BNC1: variants seen among roughly 807,000 people sequenced by gnomAD.
The protein encoded by BNC1 is zinc finger protein basonuclin-1.
BNC1 carries 8 observed loss-of-function variants against 66.5 expected under a neutral mutation model. That is an observed-to-expected ratio of 0.12 (90% CI 0.07 to 0.22). The LOEUF is 0.22. BNC1 is among the 10% of genes least tolerant of loss of function. The pLI is 1.00. For synonymous variants in BNC1, 454 were observed against 452.6 expected (o/e 1.00, Z -0.04); for missense variants, 1,069 against 1,241.3 (o/e 0.86, Z 2.09).
Position 83,283,339 on chromosome 15 carries a change from G to A in BNC1, c.99+1191C>T, listed in dbSNP as rs368989331. The A allele has an allele frequency of 4.1e-6, 6 of 1,462,988 alleles. No individual in the cohort carries two copies. The Admixed American group carries it at 8.5e-5, about 21-fold the overall frequency. The allele number at this position is 1,462,988 out of a possible 1,614,324, so 90.6% of individuals were successfully genotyped here. ...TCCGGCAAAGCCAGGCGGCGGCGGG[G>A]CTCCGGGTCTGGGCGGCGGCTCCGG... is the stretch of plus-strand genomic sequence containing the variant. On this transcript the variant is annotated intron_variant, in intron 1 of 4. Transcript: ENST00000345382.
intron 1 of BNC1, among the ~76,000 whole-genome samples, chr15:83,281,656 C>G (rs796262057): frequency 5.9e-5 from 9 of 152,330 alleles, no homozygotes; most frequent in African/African-American, 2.2e-4. Flanking sequence ...AAGCCACATA[C>G]AGAAGCTAAA....
At position 83,256,366 on chromosome 15, in the gene BNC1, A is replaced by G. The variant is rs1426370364; in HGVS notation, c.*1076T>C. The G allele has an allele frequency of 1.3e-5, 2 of 152,650 alleles. No individual in the cohort carries two copies. The highest frequency in any genetic ancestry group is 4.8e-5 in the African/African-American group (2 of 41,448). The allele number at this position is 152,650 out of a possible 1,614,324, so 9.5% of individuals were successfully genotyped here. A position where few individuals can be genotyped will look rare whatever the true frequency, so the allele number is the denominator to read the frequency against. On this transcript the variant is annotated 3_prime_UTR_variant, in exon 5 of 5. Transcript: ENST00000345382. ...GAATATATTTCCGAATAAGTTAAAT[A>G]TTAAGACATACAATATGGCAATAAT...
In BNC1 at chr15:83,256,851, C is replaced by CA. The variant is rs2038078840; in HGVS notation, c.*590dup. 6.6e-6 allele frequency: 1 copy of CA among 152,332 alleles called. No homozygotes were observed. Among genetic ancestry groups the CA allele is most frequent in the African/African-American group, 2.4e-5 (1 of 41,442 alleles). 9.4% of individuals were successfully genotyped at this position (152,332 alleles called of 1,614,324 possible). ...AATTAACAAGGAACATGTTAGAGGC[C>CA]AACCCAATCCTCTGAGAACTCCCTG... is the stretch of plus-strand genomic sequence containing the variant. On this transcript the variant is annotated 3_prime_UTR_variant, in exon 5 of 5. Transcript: ENST00000345382.
intron 1 of BNC1, among the ~76,000 whole-genome samples, chr15:83,271,434 T>C (rs1043072551): frequency 6.6e-6 from 1 of 152,202 alleles, no homozygotes; most frequent in African/African-American, 2.4e-5. Flanking sequence ...CAGCATTACC[T>C]AATCCATTCA....
chr15:83,266,772 G>A (rs1003649654), intron 3 of BNC1, 64 bp downstream of exon 3: 104 of 1,427,712 alleles, frequency 7.3e-5, no homozygotes, highest in East Asian at 3.2e-4. Flanking sequence ...ACTGGGTTAC[G>A]TCAGTTATAT....
intron 1 of BNC1, among the ~76,000 whole-genome samples, 162 bp from the exon 2 acceptor site, chr15:83,268,394 G>A (rs534628955): frequency 3.9e-5 from 6 of 152,172 alleles, no homozygotes; most frequent in Non-Finnish European, 8.8e-5. Flanking sequence ...CTGGAAAGAT[G>A]AGCAGCCACC....
intron 1 of BNC1, 30 bp from the exon 2 acceptor site, chr15:83,268,262 A>T (rs762455846): frequency 4.1e-5 from 64 of 1,546,162 alleles, no homozygotes; most frequent in Non-Finnish European, 5.4e-5. Flanking sequence ...AGGTATGTGG[A>T]GCATGTAAGT....
chr15:83,284,607 G>T lies in BNC1; in HGVS notation c.22C>A (p.Arg8=). 9.9e-7 allele frequency: 1 copy of T among 1,005,594 alleles called. No individual in the cohort carries two copies. The highest frequency in any genetic ancestry group is 4.5e-5 in the South Asian group (1 of 22,194). The allele number at this position is 1,005,594 out of a possible 1,614,324, so 62.3% of individuals were successfully genotyped here. MRRRPPS[R]GGRGAARARE... ...GCCCGGGCCGCCCCGCGTCCGCCCCGGCTCGGCGGGCGCCGCCGCATCCAC... is the reference window on the plus strand; with the variant it reads ...GCCCGGGCCGCCCCGCGTCCGCCCCTGCTCGGCGGGCGCCGCCGCATCCAC... Residue 8 remains arginine (R), a synonymous_variant, in exon 1 of 5, where the codon CGG becomes AGG. Coordinates refer to ENST00000345382, the MANE Select transcript of BNC1 (RefSeq NM_001717.4).
At chr15:83,281,118 C>A (rs570650401) in intron 1 of BNC1, among the ~76,000 whole-genome samples, 1 of 152,144 alleles carries the variant, frequency 6.6e-6, no homozygotes, top group Admixed American at 6.5e-5. Flanking sequence ...TCTGTTTATA[C>A]CCACCCTCTT....
chr15:83,284,101 GAAAA>G (rs889986781), intron 1 of BNC1, among the ~76,000 whole-genome samples: 1 of 133,316 alleles, frequency 7.5e-6, no homozygotes, highest in Non-Finnish European at 1.6e-5. Flanking sequence ...TGAGGTAAAA[GAAAA>G]AAAAAAAAAG....
intron 4 of BNC1, among the ~76,000 whole-genome samples, chr15:83,261,103 G>A (rs886217430): frequency 6.6e-6 from 1 of 152,136 alleles, no homozygotes; most frequent in African/African-American, 2.4e-5. Context: ...AGTAGATATT[G>A]TAGGATAGAA....
At chr15:83,284,335 C>A (rs1327579720) in intron 1 of BNC1, among the ~76,000 whole-genome samples, 195 bp downstream of exon 1, 2 of 151,792 alleles carry the variant, frequency 1.3e-5, no homozygotes, top group Non-Finnish European at 2.9e-5. Context: ...GAGCCCCAAC[C>A]CCCCCGCCGC....
Position 83,264,448 on chromosome 15 carries a change from T to A in BNC1, c.803A>T (p.Gln268Leu), listed in dbSNP as rs755458790. The A allele has an allele frequency of 6.2e-7, 1 of 1,614,098 alleles. No homozygotes were observed. The highest frequency in any genetic ancestry group is 1.1e-5 in the South Asian group (1 of 91,090). Residue 268 changes from glutamine to leucine, a missense_variant, in exon 4 of 5, where the codon CAG (glutamine) becomes CTG (leucine). Around this residue, in one of 7 missense-constraint regions of BNC1, gnomAD observed 181 missense variants for 181.5 expected, o/e 1.00. Transcript: ENST00000345382. ...GSLPEQYMLE[Q>L]GHDQSQDPKQ... ...GGGGTCCTGACTTTGGTCATGACCC[T>A]GCTCCAACATATATTGTTCGGGCAA...
chr15:83,281,081 TTGGACCC>T (rs1375063427), intron 1 of BNC1, among the ~76,000 whole-genome samples: 1 of 152,150 alleles, frequency 6.6e-6, no homozygotes, highest in Non-Finnish European at 1.5e-5. Flanking sequence ...AGGCCCAAAA[TTGGACCC>T]TGGAGAAACA....
Position 83,257,148 on chromosome 15 carries a change from G to A in BNC1, c.*294C>T, listed in dbSNP as rs1408990066. 7.1e-6 allele frequency: 3 copies of A among 424,596 alleles called. No homozygotes were observed. The highest frequency in any genetic ancestry group is 8.4e-6 in the Non-Finnish European group (2 of 237,498). The allele number at this position is 424,596 out of a possible 1,614,324, so 26.3% of individuals were successfully genotyped here. ...CCCACTGGTGTCGATCTGCAGACCTGGATCTGTCCCAGGGAACATGTAAAC... is the reference window on the plus strand; with the variant it reads ...CCCACTGGTGTCGATCTGCAGACCTAGATCTGTCCCAGGGAACATGTAAAC... On this transcript the variant is annotated 3_prime_UTR_variant, in exon 5 of 5. Coordinates refer to ENST00000345382, the MANE Select transcript of BNC1 (RefSeq NM_001717.4).
intron 2 of BNC1, among the ~76,000 whole-genome samples, chr15:83,267,525 A>G (rs775458099): frequency 2.6e-5 from 4 of 152,170 alleles, no homozygotes; most frequent in Non-Finnish European, 4.4e-5. Context: ...ACGCTGTCCA[A>G]TGTAATAGCC....
chr15:83,265,441 CCTA>C (rs1461706297), intron 3 of BNC1, among the ~76,000 whole-genome samples: 1 of 152,128 alleles, frequency 6.6e-6, no homozygotes, highest in Non-Finnish European at 1.5e-5. Context: ...TATTTGATGG[CCTA>C]CTGAGATTTT....
At chr15:83,275,559 G>C (rs1399440354) in intron 1 of BNC1, among the ~76,000 whole-genome samples, 1 of 152,024 alleles carries the variant, frequency 6.6e-6, no homozygotes, top group African/African-American at 2.4e-5. Context: ...TGGAGGGATA[G>C]GGACAGGAGT....
intron 1 of BNC1, chr15:83,283,072 G>GCCCCCCCACC: frequency 1.5e-6 from 2 of 1,298,978 alleles, no homozygotes; most frequent in Non-Finnish European, 2.1e-6. Flanking sequence ...GATGCCCCCC[G>GCCCCCCCACC]CCCCCCAACC....
Sources: allele counts gnomAD v4.1 joint callset (sites outside exome capture counted in the v4.1 genomes callset), GRCh38; gene constraint gnomAD v4.1.1; regional missense constraint gnomAD v4.1.1; transcripts MANE v1.5; gene names NCBI Gene and HGNC (gene_info 2026-07-23, HGNC 2026-07-21).